Variants in RPS6KC1 observed in about 807,000 individuals in gnomAD.
The protein encoded by RPS6KC1 is inactive ribosomal protein S6 kinase delta-1.
In RPS6KC1, 54 loss-of-function variants were observed where a neutral mutation model predicts 103.8. The ratio of observed to expected loss-of-function variants is 0.52; its 90% CI spans 0.42 to 0.65. The LOEUF is 0.65. RPS6KC1 is among the 30% of genes least tolerant of loss of function. RPS6KC1 has a pLI of 0.00. For synonymous variants in RPS6KC1, 439 were observed against 438.7 expected, an observed-to-expected ratio of 1.00 and a Z score of -0.01; for missense variants, 1,151 against 1,253.8, an observed-to-expected ratio of 0.92 and a Z score of 1.24.
chr1:213,862,624 T>C, the RPS6KC1 span, among the ~76,000 whole-genome samples: 1,595 of 152,330 alleles, frequency 0.01, 33 homozygotes, highest in African/African-American at 0.034. Context: ...TCATTTTCCA[T>C]CATGTCATTT....
chr1:213,282,628 G>C, the RPS6KC1 span, among the ~76,000 whole-genome samples: 1 of 152,374 alleles, frequency 6.6e-6, no homozygotes, highest in Non-Finnish European at 1.5e-5. Context: ...GGGTCTTTCC[G>C]AGGCTAGCCT....
the RPS6KC1 span, among the ~76,000 whole-genome samples, chr1:213,689,754 A>C: frequency 6.6e-6 from 1 of 152,246 alleles, no homozygotes; most frequent in Non-Finnish European, 1.5e-5. Flanking sequence ...CCTTGATCCC[A>C]GGATTCTGTT....
the RPS6KC1 span, among the ~76,000 whole-genome samples, chr1:213,524,858 A>C: frequency 6.6e-6 from 1 of 152,228 alleles, no homozygotes; most frequent in Non-Finnish European, 1.5e-5. Context: ...GGAAAGGTAG[A>C]GCTAACAACC....
chr1:213,058,621 T>C (rs2077552529), intron 1 of RPS6KC1, among the ~76,000 whole-genome samples: 1 of 152,170 alleles, frequency 6.6e-6, no homozygotes, highest in African/African-American at 2.4e-5. Context: ...TTCTGGATTC[T>C]CTTATTTTGT....
chr1:213,616,698 T>C, the RPS6KC1 span, among the ~76,000 whole-genome samples: 1 of 152,166 alleles, frequency 6.6e-6, no homozygotes, highest in African/African-American at 2.4e-5. Flanking sequence ...GTGGCATATA[T>C]GGCACACACA....
chr1:213,744,264 A>T, the RPS6KC1 span, among the ~76,000 whole-genome samples: 2 of 152,200 alleles, frequency 1.3e-5, no homozygotes, highest in Non-Finnish European at 2.9e-5. Flanking sequence ...CCATGTAAAC[A>T]AAAACCACCT....
intron 6 of RPS6KC1, among the ~76,000 whole-genome samples, chr1:213,133,808 A>C (rs2085942387): frequency 6.6e-6 from 1 of 152,156 alleles, no homozygotes; most frequent in Non-Finnish European, 1.5e-5. Flanking sequence ...TACGATTTTA[A>C]TCTAGGTCTT....
the RPS6KC1 span, among the ~76,000 whole-genome samples, chr1:213,303,163 C>T: frequency 6.6e-6 from 1 of 152,170 alleles, no homozygotes; most frequent in Non-Finnish European, 1.5e-5. Context: ...GACTGCTGGT[C>T]ATTGCCTTAG....
At chr1:213,673,579 A>G in the RPS6KC1 span, among the ~76,000 whole-genome samples, 10 of 152,178 alleles carry the variant, frequency 6.6e-5, no homozygotes, top group African/African-American at 1.9e-4. Context: ...AGCACTATCT[A>G]TAGAAATTCT....
At chr1:213,478,034 C>T in the RPS6KC1 span, among the ~76,000 whole-genome samples, 1 of 152,186 alleles carries the variant, frequency 6.6e-6, no homozygotes, top group Non-Finnish European at 1.5e-5. Context: ...CTATTCATCC[C>T]TTCTTCCCTC....
At position 213,262,606 on chromosome 1, in the gene RPS6KC1, A is replaced by T. The variant is rs552938235; in HGVS notation, c.2995-115A>T. On this transcript the variant is annotated intron_variant, in intron 13 of 14. Coordinates refer to ENST00000366960, the MANE Select transcript of RPS6KC1 (RefSeq NM_012424.6). ...CTTAGGCGGCACTGTGTTGATTACTACACTTCCAGTTAAAATGGTTGTTGA... is the reference window on the plus strand; with the variant it reads ...CTTAGGCGGCACTGTGTTGATTACTTCACTTCCAGTTAAAATGGTTGTTGA... 156 of 738,328 alleles carry T rather than the reference A, an allele frequency of 2.1e-4. 1 individual carries two copies. In the East Asian group the frequency reaches 3.9e-3, roughly 19 times the overall value. 45.7% of individuals were successfully genotyped at this position (738,328 alleles called of 1,614,324 possible).
chr1:213,409,334 A>G, the RPS6KC1 span, among the ~76,000 whole-genome samples: 1 of 152,090 alleles, frequency 6.6e-6, no homozygotes, highest in Non-Finnish European at 1.5e-5. Flanking sequence ...CAAAGTGCTA[A>G]GGAATGCGAG....
In RPS6KC1 at chr1:213,129,519, A is replaced by G; in HGVS notation, c.473-8A>G. The G allele has an allele frequency of 1.3e-6, 2 of 1,589,136 alleles. No homozygotes were observed. Among genetic ancestry groups the G allele is most frequent in the Non-Finnish European group, 8.5e-7 (1 of 1,169,762 alleles). ...AATATCTGTTTACTATTGTGATCAT[A>G]TTTCTAGGCTTCTCCAGTGACAGTG... is the stretch of plus-strand genomic sequence containing the variant. On this transcript the variant is annotated splice_region_variant and splice_polypyrimidine_tract_variant and intron_variant, in intron 5 of 14. Coordinates refer to ENST00000366960, the MANE Select transcript of RPS6KC1 (RefSeq NM_012424.6).
At chr1:213,528,617 C>T in the RPS6KC1 span, among the ~76,000 whole-genome samples, 1 of 152,214 alleles carries the variant, frequency 6.6e-6, no homozygotes, top group Non-Finnish European at 1.5e-5. Context: ...TCATTCTGCT[C>T]CTTCCACTCT....
At chr1:213,493,306 C>A in the RPS6KC1 span, among the ~76,000 whole-genome samples, 1 of 152,150 alleles carries the variant, frequency 6.6e-6, no homozygotes, top group Admixed American at 6.5e-5. Flanking sequence ...GATCCCTGAG[C>A]TTTCTATATT....
chr1:213,690,629 G>A, the RPS6KC1 span, among the ~76,000 whole-genome samples: 1,142 of 152,194 alleles, frequency 7.5e-3, 20 homozygotes, highest in East Asian at 0.065. Context: ...TAGACCTTGG[G>A]CTTTACAGTC....
chr1:213,367,818 A>T, the RPS6KC1 span, among the ~76,000 whole-genome samples: 2 of 152,236 alleles, frequency 1.3e-5, no homozygotes, highest in South Asian at 4.1e-4. Flanking sequence ...AGGGTAGATA[A>T]GAAGAAGAAA....
chr1:213,512,270 AGATCCTGGCAAG>A, the RPS6KC1 span, among the ~76,000 whole-genome samples: 6 of 152,248 alleles, frequency 3.9e-5, no homozygotes, highest in African/African-American at 1.4e-4. Context: ...GCCCAAAGGA[AGATCCTGGCAAG>A]GAACTTTAGA....
At chr1:213,369,416 C>A in the RPS6KC1 span, among the ~76,000 whole-genome samples, 6 of 152,178 alleles carry the variant, frequency 3.9e-5, no homozygotes, top group African/African-American at 1.4e-4. Context: ...TACCAAAGAC[C>A]CCTGGCCCTA....
Sources: gnomAD v4.1 joint callset for allele counts (sites outside exome capture counted in the v4.1 genomes callset) on GRCh38, gnomAD v4.1.1 for gene constraint, MANE v1.5 for transcripts, NCBI Gene and HGNC (gene_info 2026-07-23, HGNC 2026-07-21) for gene names.